The following SCAF8 variants were observed in gnomAD, a reference collection of about 807,000 sequenced individuals.
The protein encoded by SCAF8 is SR-related CTD associated factor 8.
A neutral mutation model predicts 140.5 loss-of-function variants in SCAF8; 23 were observed. The ratio of observed to expected loss-of-function variants is 0.16; its 90% CI spans 0.12 to 0.23. The LOEUF (loss-of-function observed/expected upper bound fraction) is 0.23. SCAF8 is among the 10% of genes least tolerant of loss of function. SCAF8 has a pLI of 1.00. For missense variants in SCAF8, 1,397 were observed against 1,555.7 expected, an observed-to-expected ratio of 0.90 and a Z score of 1.72; for synonymous variants, 575 against 528.9, an observed-to-expected ratio of 1.09 and a Z score of -1.20.
intron 4 of SCAF8, 136 bp downstream of exon 4, chr6:154,788,158 G>T: frequency 1.5e-6 from 1 of 673,754 alleles, no homozygotes; most frequent in East Asian, 2.7e-5. Flanking sequence ...CATATACAGT[G>T]GTGGTCTCCT....
chr6:154,773,057 G>A (rs533656656), intron 1 of SCAF8, among the ~76,000 whole-genome samples: 1 of 152,290 alleles, frequency 6.6e-6, no homozygotes, highest in East Asian at 1.9e-4. Context: ...ACCTTGCCTG[G>A]CCAGAGCCCT....
chr6:154,782,858 G>A (rs1181690553), intron 3 of SCAF8, among the ~76,000 whole-genome samples: 1 of 151,938 alleles, frequency 6.6e-6, no homozygotes, highest in African/African-American at 2.4e-5. Flanking sequence ...CTGATTAGAT[G>A]GTGCCCACCC....
intron 1 of SCAF8, among the ~76,000 whole-genome samples, chr6:154,757,963 T>C (rs1442353677): frequency 6.8e-6 from 1 of 148,010 alleles, no homozygotes; most frequent in African/African-American, 2.5e-5. Context: ...CAGGCTGGAG[T>C]ACAGTGGCGT....
At chr6:154,822,500 T>C in intron 16 of SCAF8, 91 bp downstream of exon 16, 1 of 1,276,880 alleles carries the variant, frequency 7.8e-7, no homozygotes, top group Non-Finnish European at 1.1e-6. Context: ...GGAATGAAAA[T>C]CTCCATATTA....
intron 9 of SCAF8, among the ~76,000 whole-genome samples, chr6:154,807,190 A>G (rs1301782579): frequency 1.3e-5 from 2 of 152,190 alleles, no homozygotes; most frequent in East Asian, 1.9e-4. Flanking sequence ...TGAAGTAAAA[A>G]TAAACTTGAG....
chr6:154,743,352 T>C (rs949402501), intron 1 of SCAF8, among the ~76,000 whole-genome samples: 1 of 152,266 alleles, frequency 6.6e-6, no homozygotes, highest in African/African-American at 2.4e-5. Context: ...TAACTATTTC[T>C]TGTAAAATAC....
At chr6:154,794,728 G>A (rs1777536335) in intron 5 of SCAF8, among the ~76,000 whole-genome samples, 3 of 119,412 alleles carry the variant, frequency 2.5e-5, no homozygotes, top group Admixed American at 1.1e-4. Flanking sequence ...TTAGTTAATT[G>A]AGGAGGACAA....
chr6:154,808,036 C>T (rs1054751380), intron 9 of SCAF8, 34 bp from the exon 10 acceptor site: 1 of 1,564,740 alleles, frequency 6.4e-7, no homozygotes, highest in Non-Finnish European at 8.7e-7. Context: ...AAAGTATCTC[C>T]CAATCTTTGT....
chr6:154,798,647 A>G (rs1374444634), intron 6 of SCAF8, among the ~76,000 whole-genome samples: 1 of 151,366 alleles, frequency 6.6e-6, no homozygotes, highest in African/African-American at 2.4e-5. Flanking sequence ...TATTGCCGAA[A>G]CCACTTAATG....
chr6:154,810,547 G>C (rs1778060336), intron 12 of SCAF8, among the ~76,000 whole-genome samples: 1 of 152,136 alleles, frequency 6.6e-6, no homozygotes, highest in African/African-American at 2.4e-5. Flanking sequence ...TGGCCACCAG[G>C]TCTGTAGGAA....
In SCAF8 at chr6:154,733,907, G is replaced by A. The variant is rs940336617; in HGVS notation, c.7G>A (p.Ala3Thr). 1.9e-6 allele frequency: 3 copies of A among 1,543,748 alleles called. No homozygotes were observed. The highest frequency in any genetic ancestry group is 2.7e-5 in the East Asian group (1 of 37,366). The stretch of plus-strand genomic sequence containing the variant: ...GGGCCTCCGCAGCGACAACATGGAG[G>A]CCGTGAAGACCTTCAATAGCGAGGT... ME[A>T]VKTFNSELYS... is the part of the protein sequence containing the mutation. Residue 3 changes from alanine to threonine, a missense_variant, in exon 1 of 20, where the codon GCC becomes ACC. This residue lies in a region of SCAF8 where 26 missense variants were observed against 20.9 expected (regional missense o/e 1.25). Coordinates refer to ENST00000367178, the MANE Select transcript of SCAF8 (RefSeq NM_014892.5).
At chr6:154,784,860 C>T (rs1018970136) in intron 3 of SCAF8, among the ~76,000 whole-genome samples, 1 of 152,040 alleles carries the variant, frequency 6.6e-6, no homozygotes, top group Non-Finnish European at 1.5e-5. Context: ...GTACAGAAAA[C>T]AACATATACA....
chr6:154,733,853 GGCCGCCGCCTCTTCC>G lies in SCAF8; in HGVS notation c.-40_-26del. ...TCTCGCTCTCCCCACCCAGTGCAGT[GGCCGCCGCCTCTTCC>G]GCCGCCGGGCTCGGGGCCTCCGCAG... On this transcript the variant is annotated 5_prime_UTR_variant, in exon 1 of 20. Coordinates refer to ENST00000367178, the MANE Select transcript of SCAF8 (RefSeq NM_014892.5). The G allele has an allele frequency of 6.5e-7, 1 of 1,543,008 alleles. No homozygotes were observed. The highest frequency in any genetic ancestry group is 8.7e-7 in the Non-Finnish European group (1 of 1,150,068).
chr6:154,745,887 T>G (rs1778687038), intron 1 of SCAF8, among the ~76,000 whole-genome samples: 1 of 152,052 alleles, frequency 6.6e-6, no homozygotes, highest in South Asian at 2.1e-4. Context: ...TTTTGTTTTT[T>G]GTTTTATTTG....
chr6:154,773,862 G>A, intron 1 of SCAF8, 127 bp from the exon 2 acceptor site: 3 of 680,408 alleles, frequency 4.4e-6, no homozygotes, highest in Admixed American at 2.6e-5. Context: ...CAGTGATGTT[G>A]AGCTTGATTT....
chr6:154,786,951 C>G (rs1217817526), intron 3 of SCAF8, among the ~76,000 whole-genome samples: 1 of 152,156 alleles, frequency 6.6e-6, no homozygotes, highest in Non-Finnish European at 1.5e-5. Context: ...AATTCTGTCC[C>G]ACAAAATGTT....
intron 6 of SCAF8, among the ~76,000 whole-genome samples, chr6:154,798,946 T>G (rs1777687017): frequency 6.6e-6 from 1 of 151,184 alleles, no homozygotes; most frequent in Admixed American, 6.6e-5. Flanking sequence ...ACTACACCTG[T>G]AGCCAGCATG....
At chr6:154,773,912 A>G (rs1262200133) in intron 1 of SCAF8, 77 bp from the exon 2 acceptor site, 1 of 928,678 alleles carries the variant, frequency 1.1e-6, no homozygotes, top group Non-Finnish European at 1.7e-6. Context: ...TGAGAATATA[A>G]AAATGAACAT....
Position 154,810,001 on chromosome 6 carries a change from A to G in SCAF8, c.1227-14A>G, listed in dbSNP as rs1292111646. 1 of 1,583,854 alleles carries G rather than the reference A, an allele frequency of 6.3e-7. No homozygotes were observed. Among genetic ancestry groups the G allele is most frequent in the Non-Finnish European group, 8.5e-7 (1 of 1,171,982 alleles). On this transcript the variant is annotated splice_polypyrimidine_tract_variant and intron_variant, in intron 11 of 19. Transcript: ENST00000367178. ...AAACATTGTCATTAGAAGTAAAATG[A>G]AAATTTTTTGTAGATCACCAAGAAA... is the stretch of plus-strand genomic sequence containing the variant.
Sources: allele counts gnomAD v4.1 joint callset (sites outside exome capture counted in the v4.1 genomes callset), GRCh38; gene constraint gnomAD v4.1.1; regional missense constraint gnomAD v4.1.1; transcripts MANE v1.5; gene names NCBI Gene and HGNC (gene_info 2026-07-23, HGNC 2026-07-21).